The following MAGI1 variants were observed in gnomAD, a reference collection of about 807,000 sequenced individuals.
MAGI1 encodes the protein membrane-associated guanylate kinase, WW and PDZ domain-containing protein 1.
In MAGI1, 58 loss-of-function variants were observed where a neutral mutation model predicts 139.9. That is an observed-to-expected ratio of 0.41 (90% CI 0.34 to 0.52). The LOEUF is 0.52. MAGI1 is among the 20% of genes least tolerant of loss of function. MAGI1 has a pLI of 0.12. For missense variants in MAGI1, 1,874 were observed against 1,901.6 expected, an observed-to-expected ratio of 0.99 and a Z score of 0.27; for synonymous variants, 812 against 737.9, an observed-to-expected ratio of 1.10 and a Z score of -1.63.
chr3:65,399,907 C>G (rs1284924913), intron 13 of MAGI1, among the ~76,000 whole-genome samples: 1 of 152,190 alleles, frequency 6.6e-6, no homozygotes, highest in Non-Finnish European at 1.5e-5. Flanking sequence ...GTCATGCTAC[C>G]TGTGCAAAAC....
chr3:65,944,081 C>A (rs999443786), intron 1 of MAGI1, among the ~76,000 whole-genome samples: 9 of 152,200 alleles, frequency 5.9e-5, no homozygotes, highest in Admixed American at 5.2e-4. Context: ...CTGTGCCTAA[C>A]TCAAGTAGCT....
chr3:65,810,816 G>C (rs906614549), intron 1 of MAGI1, among the ~76,000 whole-genome samples: 1 of 152,176 alleles, frequency 6.6e-6, no homozygotes, highest in African/African-American at 2.4e-5. Flanking sequence ...CACACACCTC[G>C]TAATTGACTT....
Position 65,967,316 on chromosome 3 carries a change from T to C in MAGI1, c.313+70680A>G, listed in dbSNP as rs367851885. 4.6e-5 allele frequency among the ~76,000 whole-genome samples: 7 copies of C among 152,274 alleles called. No individual in the cohort carries two copies. The East Asian group carries it at 1.4e-3, about 29-fold the overall frequency. On this transcript the variant is annotated intron_variant, in intron 1 of 22. Coordinates refer to ENST00000402939, the MANE Select transcript of MAGI1 (RefSeq NM_001033057.2). ...AATTCTTTCAACGTTGCTGTATGTT[T>C]AAAATTTTTCATAAGAAAACATCGG...
chr3:65,776,697 C>G (rs1296400024), intron 1 of MAGI1, among the ~76,000 whole-genome samples: 2 of 152,114 alleles, frequency 1.3e-5, no homozygotes, highest in East Asian at 3.9e-4. Context: ...CGGTACTCCC[C>G]CCGCAACACA....
intron 2 of MAGI1, among the ~76,000 whole-genome samples, chr3:65,578,499 T>C (rs898827205): frequency 6.6e-6 from 1 of 152,216 alleles, no homozygotes; most frequent in Non-Finnish European, 1.5e-5. Context: ...TTCCCACTTG[T>C]GGCATCTAGC....
At chr3:65,839,950 T>A (rs1343117759) in intron 1 of MAGI1, among the ~76,000 whole-genome samples, 2 of 152,204 alleles carry the variant, frequency 1.3e-5, no homozygotes, top group Admixed American at 6.5e-5. Context: ...AATTAGCACT[T>A]TATAGTTGTC....
chr3:65,948,108 A>T (rs1279589771), intron 1 of MAGI1, among the ~76,000 whole-genome samples: 1 of 151,096 alleles, frequency 6.6e-6, no homozygotes, highest in East Asian at 2.0e-4. Flanking sequence ...CACCAGGCTA[A>T]TTTTTTTGTA....
intron 1 of MAGI1, among the ~76,000 whole-genome samples, chr3:65,731,512 G>C (rs904415035): frequency 6.7e-6 from 1 of 150,148 alleles, no homozygotes; most frequent in South Asian, 2.1e-4. Context: ...AAAATTAGCT[G>C]AGCATGGTGG....
chr3:65,987,891 T>C (rs955370430), intron 1 of MAGI1, among the ~76,000 whole-genome samples: 2 of 152,214 alleles, frequency 1.3e-5, no homozygotes, highest in African/African-American at 4.8e-5. Flanking sequence ...AAAATAAAAA[T>C]TAGTGTGGTA....
chr3:65,552,259 GGTGTGTGTGT>G (rs10576104), intron 2 of MAGI1, among the ~76,000 whole-genome samples: 12 of 148,042 alleles, frequency 8.1e-5, no homozygotes, highest in South Asian at 6.5e-4. Flanking sequence ...TGTGTATAGG[GGTGTGTGTGT>G]GTGTGTGTGT....
chr3:65,760,200 A>G (rs886955112), intron 1 of MAGI1, among the ~76,000 whole-genome samples: 10 of 151,488 alleles, frequency 6.6e-5, no homozygotes, highest in Non-Finnish European at 7.4e-5. Context: ...TATAATGTCC[A>G]GCTCTATGTC....
chr3:65,890,755 G>A (rs1249816486), intron 1 of MAGI1, among the ~76,000 whole-genome samples: 1 of 152,230 alleles, frequency 6.6e-6, no homozygotes, highest in Non-Finnish European at 1.5e-5. Flanking sequence ...CAGTCATACA[G>A]CTGGAATGGC....
chr3:65,530,793 A>ACG (rs2078661762), intron 2 of MAGI1, among the ~76,000 whole-genome samples: 1 of 50,182 alleles, frequency 2.0e-5, no homozygotes, highest in Non-Finnish European at 3.9e-5. Context: ...ATATACACGT[A>ACG]TATATATATA....
At chr3:65,606,887 A>G (rs1305110764) in intron 2 of MAGI1, among the ~76,000 whole-genome samples, 2 of 151,948 alleles carry the variant, frequency 1.3e-5, no homozygotes, top group African/African-American at 4.8e-5. Flanking sequence ...CAAACTCCTG[A>G]GCTCAATCAA....
chr3:65,354,084 C>T lies in MAGI1; in HGVS notation c.*2294G>A, dbSNP rs192198128. The T allele has an allele frequency of 2.0e-5, 3 of 152,330 alleles. No individual in the cohort carries two copies. Among genetic ancestry groups the T allele is most frequent in the Admixed American group, 6.5e-5 (1 of 15,302 alleles). 9.4% of individuals were successfully genotyped at this position (152,330 alleles called of 1,614,324 possible). ...TAAAACTCTGGATCACAATTGAGAGCATCAGTCATTTAACATCACAGATTT... is the reference window on the plus strand; with the variant it reads ...TAAAACTCTGGATCACAATTGAGAGTATCAGTCATTTAACATCACAGATTT... On this transcript the variant is annotated 3_prime_UTR_variant, in exon 23 of 23. Transcript: ENST00000402939.
chr3:65,863,374 T>A (rs1344046124), intron 1 of MAGI1, among the ~76,000 whole-genome samples: 1 of 152,226 alleles, frequency 6.6e-6, no homozygotes, highest in Non-Finnish European at 1.5e-5. Context: ...CCTTTCAATT[T>A]CATATTCTTA....
At chr3:65,529,490 T>C (rs2078538061) in intron 2 of MAGI1, among the ~76,000 whole-genome samples, 1 of 152,238 alleles carries the variant, frequency 6.6e-6, no homozygotes. Context: ...TGATGTTTCT[T>C]ATAGTGAAAC....
chr3:65,616,959 A>C (rs1463167129), intron 2 of MAGI1, among the ~76,000 whole-genome samples: 1 of 152,242 alleles, frequency 6.6e-6, no homozygotes, highest in Non-Finnish European at 1.5e-5. Context: ...TGTTTAAGAG[A>C]AAACTGTAAG....
chr3:65,711,820 C>T (rs796410397), intron 1 of MAGI1, among the ~76,000 whole-genome samples: 9 of 152,256 alleles, frequency 5.9e-5, no homozygotes, highest in African/African-American at 2.2e-4. Flanking sequence ...CTTCTAGCCT[C>T]CAGAACTGAG....
Sources: allele counts gnomAD v4.1 joint callset (sites outside exome capture counted in the v4.1 genomes callset), GRCh38; gene constraint gnomAD v4.1.1; transcripts MANE v1.5; gene names NCBI Gene and HGNC (gene_info 2026-07-23, HGNC 2026-07-21).